Variants in PMF1 observed in about 807,000 individuals in gnomAD.
PMF1 encodes the protein polyamine-modulated factor 1.
In PMF1, 21 loss-of-function variants were observed where a neutral mutation model predicts 26.7. The ratio of observed to expected loss-of-function variants is 0.79; its 90% confidence interval spans 0.56 to 1.13. The LOEUF is 1.13. PMF1 is among the 50% of genes most tolerant of loss of function. The pLI, the probability that PMF1 is intolerant of heterozygous loss-of-function variation, is 0.00. For missense variants in PMF1, 266 were observed against 254.9 expected (o/e 1.04, Z -0.30); for synonymous variants, 105 against 101.0 (o/e 1.04, Z -0.24).
intron 3 of PMF1, among the ~76,000 whole-genome samples, chr1:156,235,848 G>T (rs1171234610): frequency 6.6e-6 from 1 of 152,182 alleles, no homozygotes; most frequent in Non-Finnish European, 1.5e-5. Context: ...ACTTATGGGG[G>T]CCTCCCACAG....
chr1:156,216,792 C>T (rs1657759893), intron 1 of PMF1, among the ~76,000 whole-genome samples: 1 of 152,028 alleles, frequency 6.6e-6, no homozygotes, highest in Non-Finnish European at 1.5e-5. Flanking sequence ...GCCGCCCCTT[C>T]CCCGGAGTGG....
chr1:156,238,551 G>A (rs974403419), intron 4 of PMF1, among the ~76,000 whole-genome samples: 14 of 152,280 alleles, frequency 9.2e-5, no homozygotes, highest in East Asian at 3.9e-4. Context: ...CATCTCTGTC[G>A]AACTCTCTCC....
chr1:156,236,585 G>C (rs1001098690), intron 4 of PMF1, 102 bp downstream of exon 4: 17 of 1,433,626 alleles, frequency 1.2e-5, no homozygotes, highest in South Asian at 2.8e-5. Context: ...ACCCCCACAG[G>C]GGGTAGGAGA....
intron 1 of PMF1, among the ~76,000 whole-genome samples, chr1:156,229,193 C>G (rs1386255027): frequency 6.6e-6 from 1 of 152,140 alleles, no homozygotes; most frequent in Non-Finnish European, 1.5e-5. Flanking sequence ...CAGGCGTGAG[C>G]CACCGCGCCT....
chr1:156,216,667 G>T (rs927695936), intron 1 of PMF1, among the ~76,000 whole-genome samples: 85 of 151,786 alleles, frequency 5.6e-4, no homozygotes, highest in African/African-American at 2.0e-3. Flanking sequence ...AGGCGGCGAG[G>T]GCTACCCTGC....
chr1:156,236,677 C>T (rs1319070563), intron 4 of PMF1, 194 bp downstream of exon 4: 5 of 713,364 alleles, frequency 7.0e-6, no homozygotes, highest in Non-Finnish European at 9.0e-6. Context: ...AGACAGTCTC[C>T]CCCAGATCCT....
intron 1 of PMF1, among the ~76,000 whole-genome samples, chr1:156,232,072 G>A (rs1658741021): frequency 6.6e-6 from 1 of 152,178 alleles, no homozygotes; most frequent in Non-Finnish European, 1.5e-5. Flanking sequence ...TAATCTTCAA[G>A]AGATAAACAC....
Position 156,236,417 on chromosome 1 carries a change from CCTGG to C in PMF1, c.500_503del (p.Leu167GlnfsTer34). ...AGAACCAGCAGCTGGCAGATGCCGT[CCTGG>C]CAGGGCGGAGGCAGGTGGAGGAGCT... On this transcript the variant is annotated frameshift_variant, in exon 4 of 5. Transcript: ENST00000368277. LOFTEE classifies it high-confidence loss of function. 1 of 1,614,172 alleles carries C rather than the reference CCTGG, an allele frequency of 6.2e-7. No homozygotes were observed. The highest frequency in any genetic ancestry group is 8.5e-7 in the Non-Finnish European group (1 of 1,179,996).
chr1:156,229,108 C>A (rs1034848911), intron 1 of PMF1, among the ~76,000 whole-genome samples: 1 of 152,152 alleles, frequency 6.6e-6, no homozygotes, highest in Non-Finnish European at 1.5e-5. Context: ...TGGGGTTTCA[C>A]CATGTTAGCC....
chr1:156,233,781 C>T, intron 3 of PMF1, 53 bp downstream of exon 3: 13 of 1,260,258 alleles, frequency 1.0e-5, no homozygotes, highest in African/African-American at 1.6e-5. Flanking sequence ...AGCAATTAAG[C>T]TTTTTTTTTT....
At chr1:156,219,695 C>T (rs1657974208) in intron 1 of PMF1, among the ~76,000 whole-genome samples, 1 of 151,794 alleles carries the variant, frequency 6.6e-6, no homozygotes, top group South Asian at 2.1e-4. Context: ...AAGTGATCCT[C>T]CCATCATAGC....
intron 1 of PMF1, chr1:156,223,523 G>A (rs1308907084): frequency 6.6e-6 from 1 of 152,146 alleles, no homozygotes; most frequent in Non-Finnish European, 1.5e-5. Context: ...CTGAAAAATG[G>A]GGGTGATGAT....
intron 1 of PMF1, among the ~76,000 whole-genome samples, chr1:156,227,529 C>CTCTG (rs1323549319): frequency 1.3e-5 from 2 of 148,686 alleles, no homozygotes; most frequent in Non-Finnish European, 3.0e-5. Context: ...CAGAGTCTTG[C>CTCTG]TCTGTCGCCC....
chr1:156,234,126 C>T (rs113950683), intron 3 of PMF1, among the ~76,000 whole-genome samples: 2 of 152,334 alleles, frequency 1.3e-5, no homozygotes, highest in African/African-American at 4.8e-5. Flanking sequence ...ATCCATGAGA[C>T]TCTGGGCTTG....
chr1:156,225,619 T>C, intron 1 of PMF1: 1 of 1,564,642 alleles, frequency 6.4e-7, no homozygotes, highest in South Asian at 1.2e-5. Flanking sequence ...GGACAGTCTG[T>C]GAAACAGGCC....
chr1:156,231,143 G>A (rs938215767), intron 1 of PMF1, among the ~76,000 whole-genome samples: 19 of 150,932 alleles, frequency 1.3e-4, no homozygotes, highest in Non-Finnish European at 2.5e-4. Flanking sequence ...TGTGAACGCG[G>A]GAGGCGGAGC....
chr1:156,217,820 G>A (rs1657861619), intron 1 of PMF1, among the ~76,000 whole-genome samples: 1 of 151,784 alleles, frequency 6.6e-6, no homozygotes, highest in Non-Finnish European at 1.5e-5. Flanking sequence ...TCCTTGATAT[G>A]CATCCACCAC....
At chr1:156,234,672 C>G (rs1444663377) in intron 3 of PMF1, among the ~76,000 whole-genome samples, 1 of 151,940 alleles carries the variant, frequency 6.6e-6, no homozygotes, top group African/African-American at 2.4e-5. Context: ...CCATGCCTGG[C>G]TAATTTTTGT....
intron 3 of PMF1, among the ~76,000 whole-genome samples, chr1:156,234,147 G>A (rs1658870597): frequency 6.6e-6 from 1 of 152,202 alleles, no homozygotes; most frequent in Admixed American, 6.5e-5. Flanking sequence ...TTGCCCCTGA[G>A]AGAGAACCTT....
Sources: allele counts gnomAD v4.1 joint callset (sites outside exome capture counted in the v4.1 genomes callset), GRCh38; gene constraint gnomAD v4.1.1; transcripts MANE v1.5; gene names NCBI Gene and HGNC (gene_info 2026-07-23, HGNC 2026-07-21).